The following MACROD2 variants were observed in gnomAD, a reference collection of about 807,000 sequenced individuals.
The protein encoded by MACROD2 is ADP-ribose glycohydrolase MACROD2.
In MACROD2, 36 loss-of-function variants were observed where a neutral mutation model predicts 70.4. The ratio of observed to expected loss-of-function variants is 0.51; its 90% confidence interval spans 0.39 to 0.68. The LOEUF (loss-of-function observed/expected upper bound fraction) is 0.68, where lower values mean the gene tolerates loss of function less well. Among genes scored for constraint, MACROD2 ranks in the 30% least tolerant of loss-of-function variants. MACROD2 has a pLI of 0.00. For synonymous variants in MACROD2, 172 were observed against 178.8 expected (o/e 0.96, Z 0.30); for missense variants, 496 against 538.4 (o/e 0.92, Z 0.78).
chr20:14,668,616 A>G (rs2070761751), intron 4 of MACROD2, among the ~76,000 whole-genome samples: 1 of 152,206 alleles, frequency 6.6e-6, no homozygotes, highest in Non-Finnish European at 1.5e-5. Context: ...AAGGAAAATC[A>G]TATCTCAACC....
At chr20:15,976,622 G>A (rs1416557) in intron 13 of MACROD2, among the ~76,000 whole-genome samples, 145,196 of 152,300 alleles carry the variant, frequency 0.95, 69,468 homozygotes, top group East Asian at 1. Context: ...GCCTGGGTGC[G>A]GTGCAAGGCA....
At chr20:14,688,030 G>A (rs2071022342) in intron 5 of MACROD2, among the ~76,000 whole-genome samples, 1 of 151,912 alleles carries the variant, frequency 6.6e-6, no homozygotes, top group Admixed American at 6.6e-5. Flanking sequence ...TCATCAATTT[G>A]GTTCATCCAT....
At chr20:14,641,605 G>A (rs1985095181) in intron 4 of MACROD2, among the ~76,000 whole-genome samples, 1 of 152,166 alleles carries the variant, frequency 6.6e-6, no homozygotes, top group African/African-American at 2.4e-5. Context: ...CAGAATGGAT[G>A]TTATGTTAGC....
chr20:14,941,346 G>C (rs150268749), intron 5 of MACROD2, among the ~76,000 whole-genome samples: 1 of 152,114 alleles, frequency 6.6e-6, no homozygotes, highest in East Asian at 1.9e-4. Context: ...GCTGCCCTCT[G>C]GGGTATTTCT....
At chr20:14,782,589 G>A (rs2072315381) in intron 5 of MACROD2, among the ~76,000 whole-genome samples, 1 of 151,976 alleles carries the variant, frequency 6.6e-6, no homozygotes, top group Non-Finnish European at 1.5e-5. Flanking sequence ...CTAATGACTG[G>A]TTAATGCAGA....
At chr20:14,809,714 A>C (rs1406883707) in intron 5 of MACROD2, among the ~76,000 whole-genome samples, 2 of 152,120 alleles carry the variant, frequency 1.3e-5, no homozygotes, top group Non-Finnish European at 2.9e-5. Context: ...AAAAGAGAGA[A>C]GAATCAAATA....
chr20:14,597,082 T>C (rs573989070), intron 4 of MACROD2, among the ~76,000 whole-genome samples: 1 of 152,312 alleles, frequency 6.6e-6, no homozygotes, highest in South Asian at 2.1e-4. Flanking sequence ...CCTTATTAAC[T>C]TTTATTGTAG....
At chr20:15,265,604 A>C (rs528232247) in intron 6 of MACROD2, among the ~76,000 whole-genome samples, 1 of 152,366 alleles carries the variant, frequency 6.6e-6, no homozygotes, top group Admixed American at 6.5e-5. Flanking sequence ...GGGACAAATC[A>C]CAAGAATGTT....
intron 6 of MACROD2, among the ~76,000 whole-genome samples, chr20:15,391,677 T>C (rs1248860484): frequency 2.0e-5 from 3 of 152,198 alleles, no homozygotes; most frequent in African/African-American, 4.8e-5. Flanking sequence ...CTTCTTTATT[T>C]TCTCTGATTC....
At chr20:14,471,173 G>T (rs416534) in intron 3 of MACROD2, among the ~76,000 whole-genome samples, 1 of 152,006 alleles carries the variant, frequency 6.6e-6, no homozygotes, top group Non-Finnish European at 1.5e-5. Context: ...TTGGCTAGGG[G>T]AGGGAGTTCC....
intron 2 of MACROD2, among the ~76,000 whole-genome samples, chr20:14,008,284 C>T (rs565166077): frequency 4.6e-4 from 70 of 152,264 alleles, no homozygotes; most frequent in Non-Finnish European, 8.1e-4. Flanking sequence ...TCTCAGGATA[C>T]AAAATAAATG....
At chr20:14,350,247 C>A (rs1338023134) in intron 3 of MACROD2, among the ~76,000 whole-genome samples, 2 of 152,010 alleles carry the variant, frequency 1.3e-5, no homozygotes, top group African/African-American at 4.8e-5. Flanking sequence ...ATATAACCAG[C>A]AGTGGGATTG....
chr20:14,224,412 A>G (rs978882769), intron 3 of MACROD2, among the ~76,000 whole-genome samples: 2 of 152,090 alleles, frequency 1.3e-5, no homozygotes, highest in Non-Finnish European at 2.9e-5. Flanking sequence ...CAACATTTTT[A>G]TCTGTTGCAG....
chr20:15,584,403 C>T lies in MACROD2; in HGVS notation c.645+84556C>T, dbSNP rs186476883. On this transcript the variant is annotated intron_variant, in intron 8 of 17. Transcript: ENST00000684519. ...AGTTATCTGAGATAAAATGGAATAG[C>T]TTTTAGAAATAATTAAGCATCTATT... Among the ~76,000 whole-genome samples the T allele has an allele frequency of 4.8e-3, 721 of 150,878 alleles. 2 individuals carry two copies. Among genetic ancestry groups the T allele is most frequent in the African/African-American group, 0.017 (684 of 40,412 alleles).
intron 3 of MACROD2, among the ~76,000 whole-genome samples, chr20:14,243,376 A>G (rs2081944696): frequency 6.6e-6 from 1 of 152,186 alleles, no homozygotes; most frequent in Non-Finnish European, 1.5e-5. Context: ...TTCATCTACA[A>G]GTTTACTACA....
intron 6 of MACROD2, among the ~76,000 whole-genome samples, chr20:15,379,132 A>C (rs1216252870): frequency 6.6e-6 from 1 of 152,214 alleles, no homozygotes; most frequent in Non-Finnish European, 1.5e-5. Context: ...AATAGTTATT[A>C]TTGGTTATAT....
intron 3 of MACROD2, among the ~76,000 whole-genome samples, chr20:14,422,252 G>A (rs1184366811): frequency 1.3e-5 from 2 of 152,114 alleles, no homozygotes; most frequent in Admixed American, 6.5e-5. Flanking sequence ...TGCATGTAAT[G>A]TCATTTTCCA....
chr20:14,860,017 C>G (rs182785731), intron 5 of MACROD2, among the ~76,000 whole-genome samples: 8 of 152,096 alleles, frequency 5.3e-5, no homozygotes, highest in Non-Finnish European at 5.9e-5. Context: ...ATACATTGAC[C>G]CTCTGTTAAA....
chr20:14,016,258 T>C (rs1050851712), intron 2 of MACROD2, among the ~76,000 whole-genome samples: 7 of 152,234 alleles, frequency 4.6e-5, no homozygotes, highest in Non-Finnish European at 1.5e-5. Flanking sequence ...CCTTTGTCCA[T>C]TGTTGAGTTG....
Sources: gnomAD v4.1 joint callset for allele counts (sites outside exome capture counted in the v4.1 genomes callset) on GRCh38, gnomAD v4.1.1 for gene constraint, MANE v1.5 for transcripts, NCBI Gene and HGNC (gene_info 2026-07-23, HGNC 2026-07-21) for gene names.